Variants in ZNF705G observed in about 807,000 individuals in gnomAD.
The protein encoded by ZNF705G is putative zinc finger protein 705G.
ZNF705G carries 23 observed loss-of-function variants against 19.6 expected under a neutral mutation model. The ratio of observed to expected loss-of-function variants is 1.17; its 90% confidence interval spans 0.84 to 1.66. The LOEUF (loss-of-function observed/expected upper bound fraction) is 1.66, where lower values mean the gene tolerates loss of function less well. Among genes scored for constraint, ZNF705G ranks in the 40% most tolerant of loss-of-function variants. The pLI is 0.00. For synonymous variants in ZNF705G, 146 were observed against 117.7 expected (o/e 1.24, Z -1.56); for missense variants, 457 against 354.4 (o/e 1.29, Z -2.32).
chr8:7,370,203 G>A (rs1332848994), intron 2 of ZNF705G, among the ~76,000 whole-genome samples: 3 of 147,678 alleles, frequency 2.0e-5, no homozygotes, highest in Admixed American at 6.6e-5. Context: ...CCTAGGAGGC[G>A]GAGCTTGCAG....
chr8:7,382,515 T>C (rs1477795478), intron 1 of ZNF705G, among the ~76,000 whole-genome samples: 4 of 146,622 alleles, frequency 2.7e-5, no homozygotes, highest in Non-Finnish European at 5.9e-5. Flanking sequence ...ACTTTCCTTT[T>C]GGAAATATAA....
At chr8:7,359,493 T>A in intron 6 of ZNF705G, 126 bp downstream of exon 6, 1 of 1,498,176 alleles carries the variant, frequency 6.7e-7, no homozygotes, top group Non-Finnish European at 9.0e-7. Context: ...ATCCAATTTT[T>A]TTTTTTTGCT....
Position 7,360,226 on chromosome 8 carries a change from C to A in ZNF705G, c.235+11G>T, listed in dbSNP as rs1408299713. On this transcript the variant is annotated intron_variant, in intron 5 of 6. Transcript: ENST00000400156. ...CCTCCTCCTATTAGAGCACAGGACC[C>A]TGTTGCTTACTTGGATTCTGGTCTT... 3.1e-6 allele frequency: 5 copies of A among 1,591,766 alleles called. No individual in the cohort carries two copies. In the Admixed American group the frequency reaches 6.7e-5, roughly 21 times the overall value.
intron 2 of ZNF705G, among the ~76,000 whole-genome samples, chr8:7,369,655 C>T (rs1807009987): frequency 6.7e-6 from 1 of 149,676 alleles, no homozygotes; most frequent in South Asian, 2.1e-4. Flanking sequence ...CCTAGATGCC[C>T]ATCAATGTTA....
chr8:7,369,844 C>G (rs1401676581), intron 2 of ZNF705G, among the ~76,000 whole-genome samples: 1 of 149,030 alleles, frequency 6.7e-6, no homozygotes, highest in Non-Finnish European at 1.5e-5. Flanking sequence ...ATTGGTTACA[C>G]ATGGACGTAA....
chr8:7,366,097 A>C (rs1806842484), intron 2 of ZNF705G, among the ~76,000 whole-genome samples: 1 of 149,394 alleles, frequency 6.7e-6, no homozygotes, highest in South Asian at 2.1e-4. Flanking sequence ...GTAAAAGAGA[A>C]TAGATTTTTT....
chr8:7,358,293 C>T lies in ZNF705G; in HGVS notation c.586G>A (p.Gly196Arg), dbSNP rs777058800. 6 of 1,607,798 alleles carry T rather than the reference C, an allele frequency of 3.7e-6. No homozygotes were observed. In the South Asian group the frequency reaches 5.5e-5, roughly 15 times the overall value. Residue 196 changes from glycine (G) to arginine (R), a missense_variant, in exon 7 of 7, where the codon GGA becomes AGA. Coordinates refer to ENST00000400156, the MANE Select transcript of ZNF705G (RefSeq NM_001164457.3). ...HLRRHKMTHTGERPYACHLCR... is the reference protein window; with the variant it reads ...HLRRHKMTHTRERPYACHLCR... ...AGATGACATGCATATGGCCTCTCTCCAGTGTGAGTCATCTTGTGCCGTCTA... is the reference window on the plus strand; with the variant it reads ...AGATGACATGCATATGGCCTCTCTCTAGTGTGAGTCATCTTGTGCCGTCTA...
At chr8:7,368,251 T>C (rs1479209340) in intron 2 of ZNF705G, among the ~76,000 whole-genome samples, 2 of 149,446 alleles carry the variant, frequency 1.3e-5, no homozygotes, top group Non-Finnish European at 2.9e-5. Context: ...TCACATAAAG[T>C]TGGAAACCAA....
intron 2 of ZNF705G, among the ~76,000 whole-genome samples, chr8:7,367,547 A>G (rs563781650): frequency 6.7e-6 from 1 of 149,666 alleles, no homozygotes; most frequent in East Asian, 1.9e-4. Context: ...GCTCAATTTC[A>G]AAGGGTAAGG....
At chr8:7,369,344 G>A (rs1274274145) in intron 2 of ZNF705G, among the ~76,000 whole-genome samples, 1 of 149,522 alleles carries the variant, frequency 6.7e-6, no homozygotes, top group African/African-American at 2.6e-5. Context: ...CATGGCAAAT[G>A]TCTACTACAG....
At chr8:7,358,760 G>A (rs1304482496) in intron 6 of ZNF705G, among the ~76,000 whole-genome samples, 200 bp from the exon 7 acceptor site, 3 of 149,386 alleles carry the variant, frequency 2.0e-5, no homozygotes, top group African/African-American at 5.2e-5. Context: ...TGGGAACTGG[G>A]TCACACAAAC....
In ZNF705G at chr8:7,376,029, G is replaced by A. The variant is rs1807230329; in HGVS notation, c.-72+5423C>T. The stretch of plus-strand genomic sequence containing the variant: ...GGGCCAATTTTAGCACAAGGCCAGT[G>A]GGCTTGGGTACTACTATATGTAGTA... On this transcript the variant is annotated intron_variant, in intron 2 of 6. Transcript: ENST00000400156. Among the ~76,000 whole-genome samples, 4 of 91,122 alleles carry A rather than the reference G, an allele frequency of 4.4e-5. 2 individuals are homozygous for A. In the South Asian group the frequency reaches 1.5e-3, roughly 34 times the overall value. The allele number at this position is 91,122 out of a possible 152,430, so 59.8% of individuals were successfully genotyped here. A position where few individuals can be genotyped will look rare whatever the true frequency, so the allele number is the denominator to read the frequency against.
chr8:7,369,934 G>T (rs1220276786), intron 2 of ZNF705G, among the ~76,000 whole-genome samples: 1 of 149,090 alleles, frequency 6.7e-6, no homozygotes, highest in Non-Finnish European at 1.5e-5. Context: ...TATCTATTGG[G>T]TATTATGTTT....
rs377737632 is a variant in ZNF705G at position 7,358,225 on chromosome 8, G to C, written c.654C>G (p.His218Gln). 62 of 1,607,468 alleles carry C rather than the reference G, an allele frequency of 3.9e-5. 1 individual carries two copies. In the Admixed American group the frequency reaches 1.0e-3, roughly 26 times the overall value. Reference sequence around the variant, plus strand: ...GTCTCTGTCCCGTGTGAGTTTTCTCGTGTCTTCTAAGGTGAGAACACTGAG... The same window carrying C: ...GTCTCTGTCCCGTGTGAGTTTTCTCCTGTCTTCTAAGGTGAGAACACTGAG... ...AFTQCSHLRRHEKTHTGQRPY... is the reference protein window; with the variant it reads ...AFTQCSHLRRQEKTHTGQRPY... The change falls in exon 7 of 7, where the codon CAC (histidine) becomes CAG (glutamine). Residue 218 changes from histidine (H) to glutamine (Q), a missense_variant. Physicochemically the swap from His to Gln is conservative, Grantham distance 24. Coordinates refer to ENST00000400156, the MANE Select transcript of ZNF705G (RefSeq NM_001164457.3).
At chr8:7,365,852 C>A (rs1355467542) in intron 2 of ZNF705G, among the ~76,000 whole-genome samples, 1 of 149,728 alleles carries the variant, frequency 6.7e-6, no homozygotes, top group East Asian at 1.9e-4. Context: ...TCCTGGACAA[C>A]AAAACCATGT....
At chr8:7,359,595 G>C in intron 6 of ZNF705G, 24 bp downstream of exon 6, 1 of 1,604,862 alleles carries the variant, frequency 6.2e-7, no homozygotes, top group Non-Finnish European at 8.5e-7. Flanking sequence ...TTAGATGACT[G>C]GTGTACACAG....
Position 7,358,205 on chromosome 8 carries a change from T to C in ZNF705G, c.674A>G (p.Gln225Arg). 2 of 1,607,656 alleles carry C rather than the reference T, an allele frequency of 1.2e-6. No homozygotes were observed. The highest frequency in any genetic ancestry group is 2.3e-4 in the Middle Eastern group (1 of 4,422). Residue 225 changes from glutamine to arginine, a missense_variant, in exon 7 of 7, where the codon CAG becomes CGG. Physicochemically the swap from Gln to Arg is conservative, Grantham distance 43. Transcript: ENST00000400156. ...ATATTGATGACACTTATATGGTCTC[T>C]GTCCCGTGTGAGTTTTCTCGTGTCT... ...LRRHEKTHTG[Q>R]RPYKCHQYGK... is the part of the protein sequence containing the mutation.
At chr8:7,359,870 T>C (rs1289842591) in intron 5 of ZNF705G, among the ~76,000 whole-genome samples, 169 bp from the exon 6 acceptor site, 1 of 149,502 alleles carries the variant, frequency 6.7e-6, no homozygotes, top group Non-Finnish European at 1.5e-5. Context: ...TGTCAGCAAT[T>C]AGAAAATATT....
At chr8:7,365,375 A>AAT (rs1806809120) in intron 2 of ZNF705G, among the ~76,000 whole-genome samples, 1 of 112,044 alleles carries the variant, frequency 8.9e-6, no homozygotes, top group African/African-American at 4.1e-5. Flanking sequence ...GTCTCTCTCT[A>AAT]TTTTTTTTTT....
Sources: gnomAD v4.1 joint callset for allele counts (sites outside exome capture counted in the v4.1 genomes callset) on GRCh38, gnomAD v4.1.1 for gene constraint, MANE v1.5 for transcripts, NCBI Gene and HGNC (gene_info 2026-07-23, HGNC 2026-07-21) for gene names.